Variants in MYOM1 observed in about 807,000 individuals in gnomAD.
The protein encoded by MYOM1 is myomesin-1.
In MYOM1, 164 loss-of-function variants were observed where a neutral mutation model predicts 205.3. The ratio of observed to expected loss-of-function variants is 0.80; its 90% CI spans 0.70 to 0.91. The LOEUF (loss-of-function observed/expected upper bound fraction) is 0.91. Ranked by LOEUF, MYOM1 falls within the 40% of genes least tolerant of loss-of-function variation. The probability of loss-of-function intolerance (pLI) is 0.00; values close to 1 mark genes in which losing one functional copy is unlikely to be tolerated. For synonymous variants in MYOM1, 772 were observed against 789.4 expected (o/e 0.98, Z 0.37); for missense variants, 2,011 against 2,127.3 (o/e 0.95, Z 1.08).
chr18:3,152,188 T>C lies in MYOM1; in HGVS notation c.1644-295A>G, dbSNP rs1295344044. Among the ~76,000 whole-genome samples, 3 of 152,234 alleles carry C rather than the reference T, an allele frequency of 2.0e-5. No individual in the cohort carries two copies. The highest frequency in any genetic ancestry group is 2.0e-4 in the Admixed American group (3 of 15,298). On this transcript the variant is annotated intron_variant, in intron 11 of 37. Coordinates refer to ENST00000356443, the MANE Select transcript of MYOM1 (RefSeq NM_003803.4). This position sits in a 1 kb window ranked among gnomAD's most constrained non-coding sequence, Gnocchi z 4.3. ...TTTGGGGGTTGCTGGGATAAGCAGA[T>C]AAATATCTCCAATCTTAGCATTGGA... is the stretch of plus-strand genomic sequence containing the variant.
intron 14 of MYOM1, among the ~76,000 whole-genome samples, chr18:3,137,522 A>G (rs1208621061): frequency 6.6e-6 from 1 of 152,222 alleles, no homozygotes; most frequent in Non-Finnish European, 1.5e-5. Context: ...ATTTGCAGCA[A>G]TATGAATATA....
chr18:3,196,665 C>A (rs1442355341), intron 2 of MYOM1, among the ~76,000 whole-genome samples: 2 of 152,026 alleles, frequency 1.3e-5, no homozygotes, highest in Non-Finnish European at 2.9e-5. Context: ...TTTTGTACTC[C>A]CCCACCAATT....
chr18:3,067,193 G>T lies in MYOM1; in HGVS notation c.*69C>A. 1 of 1,458,102 alleles carries T rather than the reference G, an allele frequency of 6.9e-7. No homozygotes were observed. 90.3% of individuals were successfully genotyped at this position (1,458,102 alleles called of 1,614,324 possible). A position where few individuals can be genotyped will look rare whatever the true frequency, so the allele number is the denominator to read the frequency against. ...AATAGGGAGGAGAAAGCATGAAGAC[G>T]TCTCATCCTTAACCCAAACCATTCA... On this transcript the variant is annotated 3_prime_UTR_variant, in exon 38 of 38. Transcript: ENST00000356443.
At chr18:3,182,913 C>CTTTTTT (rs549386891) in intron 5 of MYOM1, among the ~76,000 whole-genome samples, 66 of 92,294 alleles carry the variant, frequency 7.2e-4, no homozygotes, top group Non-Finnish European at 1.1e-3. Flanking sequence ...TTTCTTTCTT[C>CTTTTTT]TTTTTTTTTT....
chr18:3,186,802 G>GGGAA (rs2080819256), intron 5 of MYOM1, among the ~76,000 whole-genome samples: 1 of 138,788 alleles, frequency 7.2e-6, no homozygotes, highest in South Asian at 2.3e-4. Flanking sequence ...AAGAAAGAAA[G>GGGAA]AGAAAGAAAG....
At chr18:3,234,128 T>C in the MYOM1 span, among the ~76,000 whole-genome samples, 1 of 152,212 alleles carries the variant, frequency 6.6e-6, no homozygotes, top group South Asian at 2.1e-4. Flanking sequence ...TAATGAGAGA[T>C]AATGTGAATA....
At chr18:3,230,411 T>C in the MYOM1 span, among the ~76,000 whole-genome samples, 1 of 152,236 alleles carries the variant, frequency 6.6e-6, no homozygotes, top group Non-Finnish European at 1.5e-5. Context: ...CTAATACATT[T>C]GCAACCTCCC....
In MYOM1 at chr18:3,126,815, C is replaced by G. The variant is rs755157204; in HGVS notation, c.2877G>C (p.Lys959Asn). ...AGCCAGTAATTTCTGCCCCTCCAATCTTATCTGGTTGCTTCCATCCAAGAA... is the reference window on the plus strand; with the variant it reads ...AGCCAGTAATTTCTGCCCCTCCAATGTTATCTGGTTGCTTCCATCCAAGAA... Reference protein sequence around the residue: ...SMVLGWKQPDKIGGAEITGYY... With the variant: ...SMVLGWKQPDNIGGAEITGYY... Residue 959 changes from lysine (K) to asparagine (N), a missense_variant, in exon 19 of 38, where the codon AAG becomes AAC. Transcript: ENST00000356443. 6.2e-7 allele frequency: 1 copy of G among 1,613,784 alleles called. No individual in the cohort carries two copies. Among genetic ancestry groups the G allele is most frequent in the Non-Finnish European group, 8.5e-7 (1 of 1,179,802 alleles).
intron 8 of MYOM1, among the ~76,000 whole-genome samples, chr18:3,171,537 A>T (rs79731974): frequency 0.026 from 3,950 of 152,228 alleles, 162 homozygotes; most frequent in African/African-American, 0.089. Flanking sequence ...CCAGAAGACA[A>T]CACATCATTT....
rs748886234 is a variant in MYOM1, at chr18:3,189,046, C to A, written c.473G>T (p.Arg158Ile). Residue 158 changes from arginine to isoleucine, a missense_variant, in exon 4 of 38, where the codon AGA (arginine) becomes ATA (isoleucine). Arg to Ile is a moderately conservative substitution (Grantham distance 97). Coordinates refer to ENST00000356443, the MANE Select transcript of MYOM1 (RefSeq NM_003803.4). This position sits in a 1 kb window ranked among gnomAD's most constrained non-coding sequence, Gnocchi z 4.8. Reference protein sequence around the residue: ...VSGITDTEEERIKEAAAYIAQ... With the variant: ...VSGITDTEEEIIKEAAAYIAQ... ...TATATAAGCAGCAGCTTCTTTAATTCTTTCTTCTTCCGTATCAGTAATTCC... is the reference window on the plus strand; with the variant it reads ...TATATAAGCAGCAGCTTCTTTAATTATTTCTTCTTCCGTATCAGTAATTCC... The A allele has an allele frequency of 2.5e-6, 4 of 1,613,530 alleles. No individual in the cohort carries two copies. The highest frequency in any genetic ancestry group is 2.2e-5 in the East Asian group (1 of 44,832).
At chr18:3,235,090 C>G in the MYOM1 span, among the ~76,000 whole-genome samples, 1 of 152,010 alleles carries the variant, frequency 6.6e-6, no homozygotes, top group Non-Finnish European at 1.5e-5. Flanking sequence ...TTCCATCATT[C>G]TCACTTTATC....
At chr18:3,089,275 A>G (rs747559733) in intron 28 of MYOM1, 34 bp from the exon 29 acceptor site, 4 of 1,517,034 alleles carry the variant, frequency 2.6e-6, no homozygotes, top group African/African-American at 1.4e-5. Context: ...CAATTACTCT[A>G]TTAATCACAA....
intron 5 of MYOM1, among the ~76,000 whole-genome samples, chr18:3,182,759 GT>G (rs2080754041): frequency 6.6e-6 from 1 of 151,858 alleles, no homozygotes; most frequent in Non-Finnish European, 1.5e-5. Context: ...TATTATACAA[GT>G]TATTACATAA....
At chr18:3,223,070 T>TG (rs1260523233), upstream of MYOM1, among the ~76,000 whole-genome samples, 1 of 152,124 alleles carries the variant, frequency 6.6e-6, no homozygotes, top group African/African-American at 2.4e-5. Context: ...TTTGTAGAGA[T>TG]GGGGTTTCAC....
intron 22 of MYOM1, among the ~76,000 whole-genome samples, chr18:3,105,711 C>G (rs1180520051): frequency 6.6e-6 from 1 of 152,040 alleles, no homozygotes; most frequent in Non-Finnish European, 1.5e-5. Context: ...AAAAATTAGC[C>G]AGGCGTGGTG....
At chr18:3,120,897 A>C (rs989828736) in intron 19 of MYOM1, among the ~76,000 whole-genome samples, 1 of 152,224 alleles carries the variant, frequency 6.6e-6, no homozygotes, top group Non-Finnish European at 1.5e-5. Context: ...AAGTGATGGA[A>C]TATATTAGTG....
At chr18:3,226,774 C>T in the MYOM1 span, among the ~76,000 whole-genome samples, 1 of 152,154 alleles carries the variant, frequency 6.6e-6, no homozygotes, top group East Asian at 1.9e-4. This position sits in a 1 kb window ranked among gnomAD's most constrained non-coding sequence, Gnocchi z 4.6. Flanking sequence ...CCACAACAGG[C>T]ATTTAATAAA....
chr18:3,170,149 T>A (rs2080535383), intron 8 of MYOM1, among the ~76,000 whole-genome samples: 1 of 152,166 alleles, frequency 6.6e-6, no homozygotes, highest in Admixed American at 6.6e-5. Flanking sequence ...CTGGGAACTG[T>A]AGTGCAAGGG....
intron 37 of MYOM1, 45 bp downstream of exon 37, chr18:3,071,789 G>A (rs375909964): frequency 3.8e-6 from 6 of 1,563,634 alleles, no homozygotes; most frequent in Non-Finnish European, 5.2e-6. Flanking sequence ...GCTGGAACCT[G>A]TTCATAGTGC....
Sources: allele counts gnomAD v4.1 joint callset (sites outside exome capture counted in the v4.1 genomes callset), GRCh38; gene constraint gnomAD v4.1.1; non-coding constraint Gnocchi (gnomAD v3.1); transcripts MANE v1.5; gene names NCBI Gene and HGNC (gene_info 2026-07-23, HGNC 2026-07-21).